Variants in SLC71A1 observed in about 807,000 individuals in gnomAD.
SLC71A1 encodes the protein hippocampus abundant gene transcript 1.
chr1:100,054,662 A>G, the SLC71A1 span, among the ~76,000 whole-genome samples: 5 of 152,212 alleles, frequency 3.3e-5, no homozygotes, highest in Non-Finnish European at 7.3e-5. Flanking sequence ...GGCTACAGAA[A>G]CAGCCCCAAA....
chr1:100,066,899 G>T, the SLC71A1 span, among the ~76,000 whole-genome samples: 1 of 139,360 alleles, frequency 7.2e-6, no homozygotes, highest in Middle Eastern at 4.3e-3. Context: ...TGAGGCAGGA[G>T]AATGGCGTAA....
chr1:100,040,933 C>T, the SLC71A1 span, among the ~76,000 whole-genome samples: 1 of 152,164 alleles, frequency 6.6e-6, no homozygotes, highest in Non-Finnish European at 1.5e-5. Flanking sequence ...GTCTGAGGCT[C>T]TATGGTCGGT....
At chr1:100,052,587 A>G in the SLC71A1 span, among the ~76,000 whole-genome samples, 6 of 151,346 alleles carry the variant, frequency 4.0e-5, no homozygotes, top group Admixed American at 3.9e-4. Flanking sequence ...ACATGCCACC[A>G]TGCCCAGCTA....
chr1:100,045,540 A>G, the SLC71A1 span, among the ~76,000 whole-genome samples: 27 of 152,044 alleles, frequency 1.8e-4, no homozygotes, highest in African/African-American at 5.8e-4. Flanking sequence ...TTTAATTACT[A>G]TGGGTACAAA....
At chr1:100,062,122 A>C in the SLC71A1 span, 1 of 498,530 alleles carries the variant, frequency 2.0e-6, no homozygotes. Context: ...GTATGAGGCT[A>C]TGTAAGTTTT....
chr1:100,038,492 T>G, the SLC71A1 span, among the ~76,000 whole-genome samples: 1 of 152,102 alleles, frequency 6.6e-6, no homozygotes, highest in African/African-American at 2.4e-5. Context: ...GGAATCGTCC[T>G]CCGCTGCTCG....
the SLC71A1 span, among the ~76,000 whole-genome samples, chr1:100,040,850 G>A: frequency 6.7e-3 from 1,021 of 152,246 alleles, 19 homozygotes; most frequent in Middle Eastern, 0.014. Context: ...ATATTTCAGT[G>A]CTATTGCTGT....
At chr1:100,048,997 A>T in the SLC71A1 span, among the ~76,000 whole-genome samples, 1 of 152,150 alleles carries the variant, frequency 6.6e-6, no homozygotes, top group Non-Finnish European at 1.5e-5. Flanking sequence ...TCCCAATTTC[A>T]AATCCTGAAT....
the SLC71A1 span, among the ~76,000 whole-genome samples, chr1:100,072,100 GCTA>G: frequency 6.6e-6 from 1 of 152,176 alleles, no homozygotes; most frequent in Non-Finnish European, 1.5e-5. Flanking sequence ...TCATATATGA[GCTA>G]CTACATTATT....
At chr1:100,041,882 CCACTG>C in the SLC71A1 span, among the ~76,000 whole-genome samples, 1 of 151,780 alleles carries the variant, frequency 6.6e-6, no homozygotes, top group African/African-American at 2.4e-5. Flanking sequence ...CTAGATCACG[CCACTG>C]CATTCCAGCC....
the SLC71A1 span, among the ~76,000 whole-genome samples, chr1:100,059,650 T>G: frequency 6.6e-6 from 1 of 152,008 alleles, no homozygotes; most frequent in South Asian, 2.1e-4. Flanking sequence ...TGAGAATTTA[T>G]TAGAGCAGTT....
At chr1:100,045,987 G>T in the SLC71A1 span, among the ~76,000 whole-genome samples, 1 of 151,950 alleles carries the variant, frequency 6.6e-6, no homozygotes, top group African/African-American at 2.4e-5. Context: ...TCTGTATATG[G>T]ATATCCACTT....
the SLC71A1 span, among the ~76,000 whole-genome samples, chr1:100,070,151 G>A: frequency 2.0e-4 from 30 of 152,098 alleles, no homozygotes; most frequent in Non-Finnish European, 1.6e-4. Flanking sequence ...AAAAGCTAAG[G>A]GTCATATGGA....
At chr1:100,043,171 C>T in the SLC71A1 span, 1 of 981,408 alleles carries the variant, frequency 1.0e-6, no homozygotes, top group Admixed American at 6.2e-5. Flanking sequence ...TGAAATGTAA[C>T]TCCTTTGCAG....
At chr1:100,060,093 C>A in the SLC71A1 span, 1 of 1,280,518 alleles carries the variant, frequency 7.8e-7, no homozygotes, top group Non-Finnish European at 1.1e-6. Context: ...CTTGTGCCAT[C>A]TTGGTTATGA....
the SLC71A1 span, among the ~76,000 whole-genome samples, chr1:100,049,507 T>C: frequency 7.9e-5 from 12 of 152,170 alleles, no homozygotes; most frequent in African/African-American, 2.9e-4. Context: ...GTGCAGCCCA[T>C]GCACTGGTTG....
the SLC71A1 span, among the ~76,000 whole-genome samples, chr1:100,072,385 C>T: frequency 3.7e-4 from 57 of 152,244 alleles, no homozygotes; most frequent in African/African-American, 1.1e-3. Flanking sequence ...TGCTCATGTG[C>T]GCATATCTCC....
chr1:100,066,913 C>T, the SLC71A1 span, among the ~76,000 whole-genome samples: 1 of 147,776 alleles, frequency 6.8e-6, no homozygotes, highest in Non-Finnish European at 1.5e-5. Flanking sequence ...GGCGTAAACC[C>T]CGGGGGCGGA....
chr1:100,072,464 C>T, the SLC71A1 span, among the ~76,000 whole-genome samples: 4,814 of 151,990 alleles, frequency 0.032, 273 homozygotes, highest in African/African-American at 0.11. Flanking sequence ...TGAGCTCTAG[C>T]GGACCTCTGA....
Sources: allele counts gnomAD v4.1 joint callset (sites outside exome capture counted in the v4.1 genomes callset), GRCh38; gene constraint gnomAD v4.1.1; transcripts MANE v1.5; gene names NCBI Gene and HGNC (gene_info 2026-07-23, HGNC 2026-07-21).